IMMP2L: variants seen among roughly 807,000 people sequenced by gnomAD.
IMMP2L encodes the protein mitochondrial inner membrane protease subunit 2.
Under a neutral mutation model 19.3 loss-of-function variants are expected in IMMP2L, and 18 were observed. The ratio of observed to expected loss-of-function variants is 0.93; its 90% CI spans 0.64 to 1.38. The LOEUF is 1.38. Ranked by LOEUF, IMMP2L falls within the 40% of genes most tolerant of loss-of-function variation. The pLI is 0.00. For synonymous variants in IMMP2L, 76 were observed against 73.0 expected, an observed-to-expected ratio of 1.04 and a Z score of -0.21; for missense variants, 233 against 218.2, an observed-to-expected ratio of 1.07 and a Z score of -0.43.
chr7:110,966,961 A>G (rs559281469), intron 3 of IMMP2L, among the ~76,000 whole-genome samples: 2 of 152,244 alleles, frequency 1.3e-5, no homozygotes, highest in South Asian at 4.1e-4. Context: ...ATGTTCCCCA[A>G]TAAATACTAA....
chr7:111,039,872 T>C (rs1481415974), intron 3 of IMMP2L, among the ~76,000 whole-genome samples: 1 of 152,104 alleles, frequency 6.6e-6, no homozygotes, highest in Non-Finnish European at 1.5e-5. Context: ...GACCCAACTA[T>C]AAAAGGGTCT....
chr7:111,018,597 T>A (rs1441136588), intron 3 of IMMP2L, among the ~76,000 whole-genome samples: 3 of 152,108 alleles, frequency 2.0e-5, no homozygotes, highest in African/African-American at 7.2e-5. Flanking sequence ...CATAAACTCA[T>A]TTAATACTCA....
At chr7:110,983,821 A>T (rs574042066) in intron 3 of IMMP2L, among the ~76,000 whole-genome samples, 29 of 152,098 alleles carry the variant, frequency 1.9e-4, no homozygotes, top group African/African-American at 7.0e-4. Flanking sequence ...GAAAAAGGCT[A>T]TTCCTCCATT....
At chr7:111,345,233 G>C (rs779645803) in intron 3 of IMMP2L, among the ~76,000 whole-genome samples, 4 of 151,964 alleles carry the variant, frequency 2.6e-5, no homozygotes, top group Non-Finnish European at 4.4e-5. Context: ...CTAATTTGAG[G>C]TCAAGTAAAA....
In IMMP2L at chr7:110,834,794, T is replaced by G. The variant is rs990193889; in HGVS notation, c.408+51799A>C. Among the ~76,000 whole-genome samples, 6 of 152,242 alleles carry G rather than the reference T, an allele frequency of 3.9e-5. No homozygotes were observed. In the East Asian group the frequency reaches 1.2e-3, roughly 29 times the overall value. ...TTGTAGGGATTAAGACAAATTTAACTGAAAGAATTGGAAGAAGAGATTACA... is the reference window on the plus strand; with the variant it reads ...TTGTAGGGATTAAGACAAATTTAACGGAAAGAATTGGAAGAAGAGATTACA... On this transcript the variant is annotated intron_variant, in intron 5 of 5. Transcript: ENST00000405709.
At chr7:111,502,298 A>G (rs990745874) in intron 2 of IMMP2L, among the ~76,000 whole-genome samples, 3 of 152,188 alleles carry the variant, frequency 2.0e-5, no homozygotes, top group African/African-American at 7.2e-5. Context: ...CACCCAATAC[A>G]GGAGCACCCA....
intron 5 of IMMP2L, among the ~76,000 whole-genome samples, chr7:110,865,232 T>C (rs541146345): frequency 3.2e-4 from 49 of 152,158 alleles, no homozygotes; most frequent in South Asian, 8.3e-4. Flanking sequence ...GTTTAATAAG[T>C]ATTAATTGAA....
At chr7:111,368,020 A>G (rs911303345) in intron 3 of IMMP2L, among the ~76,000 whole-genome samples, 1 of 151,878 alleles carries the variant, frequency 6.6e-6, no homozygotes, top group Non-Finnish European at 1.5e-5. Flanking sequence ...AGTAATTAAG[A>G]TGCCACCAGA....
At position 111,538,633 on chromosome 7, in the gene IMMP2L, T is replaced by TACAA. The variant is rs1554542267; in HGVS notation, c.-2-17185_-2-17184insTTGT. Among the ~76,000 whole-genome samples, 180 of 97,190 alleles carry TACAA rather than the reference T, an allele frequency of 1.9e-3. 2 individuals are homozygous for TACAA. The highest frequency in any genetic ancestry group is 7.1e-3 in the African/African-American group (169 of 23,908). The allele number at this position is 97,190 out of a possible 152,430, so 63.8% of individuals were successfully genotyped here. Reference sequence around the variant, plus strand: ...GAGCAGCATAGGAAGACCCTGTCTCTAAAAAAAAAAAAAAAAAAAAAATTA... The same window carrying TACAA: ...GAGCAGCATAGGAAGACCCTGTCTCTACAAAAAAAAAAAAAAAAAAAAAAAATTA... On this transcript the variant is annotated intron_variant, in intron 1 of 5. Transcript: ENST00000405709.
chr7:111,359,797 T>A (rs549276215), intron 3 of IMMP2L, among the ~76,000 whole-genome samples: 66 of 152,080 alleles, frequency 4.3e-4, no homozygotes, highest in Non-Finnish European at 7.5e-4. Context: ...AAGAGTCCAA[T>A]AAATATTTAT....
chr7:111,293,121 C>A (rs747679708), intron 3 of IMMP2L, among the ~76,000 whole-genome samples: 1 of 151,838 alleles, frequency 6.6e-6, no homozygotes, highest in Non-Finnish European at 1.5e-5. Context: ...AAATGATAAC[C>A]CAGTATGAGC....
At position 110,787,820 on chromosome 7, in the gene IMMP2L, A is replaced by G. The variant is rs143442889; in HGVS notation, c.408+98773T>C. Among the ~76,000 whole-genome samples the G allele has an allele frequency of 2.6e-5, 4 of 152,114 alleles. No individual in the cohort carries two copies. In the East Asian group the frequency reaches 7.8e-4, roughly 30 times the overall value. On this transcript the variant is annotated intron_variant, in intron 5 of 5. Coordinates refer to ENST00000405709, the MANE Select transcript of IMMP2L (RefSeq NM_032549.4). ...GGGTTCACATTCTGATGCACTGATA[A>G]GAAATAAATGAATAAATGGTAAAGT...
chr7:110,818,057 G>C (rs377631611), intron 5 of IMMP2L, among the ~76,000 whole-genome samples: 12 of 151,970 alleles, frequency 7.9e-5, no homozygotes, highest in African/African-American at 1.7e-4. Context: ...GCATGGGCAA[G>C]GACTTCATGT....
chr7:111,265,367 T>C (rs1248199105), intron 3 of IMMP2L, among the ~76,000 whole-genome samples: 1 of 152,218 alleles, frequency 6.6e-6, no homozygotes, highest in Non-Finnish European at 1.5e-5. Context: ...CTACTTTGTG[T>C]TGAGATCTCT....
chr7:111,275,683 GA>G (rs1818950087), intron 3 of IMMP2L, among the ~76,000 whole-genome samples: 1 of 152,116 alleles, frequency 6.6e-6, no homozygotes, highest in Admixed American at 6.6e-5. Flanking sequence ...TGTGAGAATG[GA>G]ATGTTTTTCC....
intron 1 of IMMP2L, among the ~76,000 whole-genome samples, chr7:111,551,399 T>C (rs1280275634): frequency 6.6e-6 from 1 of 152,076 alleles, no homozygotes; most frequent in East Asian, 1.9e-4. Context: ...TCAATGAGAT[T>C]CTGAAAGTTA....
At chr7:111,551,632 G>A (rs745539100) in intron 1 of IMMP2L, among the ~76,000 whole-genome samples, 1 of 151,812 alleles carries the variant, frequency 6.6e-6, no homozygotes, top group Non-Finnish European at 1.5e-5. Flanking sequence ...GGGCTCCAGT[G>A]GCAAATCAGG....
intron 3 of IMMP2L, among the ~76,000 whole-genome samples, chr7:111,345,030 C>T (rs1431882575): frequency 6.6e-6 from 1 of 152,032 alleles, no homozygotes; most frequent in East Asian, 1.9e-4. Flanking sequence ...ACTGACAGGG[C>T]AGAGGTAGTA....
chr7:111,229,296 T>A (rs906969573), intron 3 of IMMP2L, among the ~76,000 whole-genome samples: 3 of 152,080 alleles, frequency 2.0e-5, no homozygotes, highest in Non-Finnish European at 2.9e-5. Flanking sequence ...ATTTAATGTA[T>A]CCTGACCATG....
Sources: allele counts gnomAD v4.1 joint callset (sites outside exome capture counted in the v4.1 genomes callset), GRCh38; gene constraint gnomAD v4.1.1; transcripts MANE v1.5; gene names NCBI Gene and HGNC (gene_info 2026-07-23, HGNC 2026-07-21).